The following CHD8 variants were observed in gnomAD, a reference collection of about 807,000 sequenced individuals.
CHD8 encodes ATP-dependent chromatin remodeler CHD8.
In CHD8, 31 loss-of-function variants were observed where a neutral mutation model predicts 279.2. That is an observed-to-expected ratio of 0.11 (90% CI 0.08 to 0.15). The LOEUF (loss-of-function observed/expected upper bound fraction) is 0.15. CHD8 is among the 10% of genes least tolerant of loss of function. The probability of loss-of-function intolerance (pLI) is 1.00; values close to 1 mark genes in which losing one functional copy is unlikely to be tolerated. For synonymous variants in CHD8, 1,081 were observed against 1,139.6 expected, an observed-to-expected ratio of 0.95 and a Z score of 1.04; for missense variants, 2,146 against 3,230.5, an observed-to-expected ratio of 0.66 and a Z score of 8.14.
rs745375504 is a variant in CHD8, at chr14:21,392,805, C to G, written c.6473G>C (p.Arg2158Pro). 2 of 1,613,284 alleles carry G rather than the reference C, an allele frequency of 1.2e-6. No individual in the cohort carries two copies. Among genetic ancestry groups the G allele is most frequent in the Non-Finnish European group, 1.7e-6 (2 of 1,179,426 alleles). ...RQRASEWPKD[R>P]VLINRIDLVC... ...GAGGTCAATACGGTTTATCAGGACA[C>G]GATCCTGAATGGGGAAAGAAAGAAA... Residue 2158 changes from arginine (R) to proline (P), a missense_variant, in exon 34 of 38, where the codon CGT becomes CCT. Around this residue, in one of 26 missense-constraint regions of CHD8, gnomAD observed 513 missense variants for 637.6 expected, o/e 0.80. Transcript: ENST00000646647.
rs1887175068 is a variant in CHD8 at position 21,385,305 on chromosome 14, G to A, written c.*308C>T. 2.8e-6 allele frequency: 1 copy of A among 358,718 alleles called. No individual in the cohort carries two copies. The highest frequency in any genetic ancestry group is 2.1e-5 in the African/African-American group (1 of 48,268). The allele number at this position is 358,718 out of a possible 1,614,324, so 22.2% of individuals were successfully genotyped here. A position where few individuals can be genotyped will look rare whatever the true frequency, so the allele number is the denominator to read the frequency against. Reference sequence around the variant, plus strand: ...AGGAACAGGCTCTGCCAGAGGCTAGGGCCAGCGCTACATAGTCTGTGGTTA... The same window carrying A: ...AGGAACAGGCTCTGCCAGAGGCTAGAGCCAGCGCTACATAGTCTGTGGTTA... On this transcript the variant is annotated 3_prime_UTR_variant, in exon 38 of 38. Transcript: ENST00000646647.
At chr14:21,436,834 G>A in intron 1 of CHD8, 1 of 534,742 alleles carries the variant, frequency 1.9e-6, no homozygotes, top group South Asian at 1.5e-5. Flanking sequence ...GCGAGGTGAG[G>A]AAGTGAGGGG....
chr14:21,399,474 T>G, intron 26 of CHD8, 128 bp downstream of exon 26: 1 of 687,622 alleles, frequency 1.5e-6, no homozygotes, highest in East Asian at 2.7e-5. Context: ...TAAGAACTAC[T>G]TTCCTACTCA....
intron 5 of CHD8, among the ~76,000 whole-genome samples, chr14:21,420,711 G>A (rs1888992691): frequency 6.6e-6 from 1 of 152,050 alleles, no homozygotes; most frequent in Non-Finnish European, 1.5e-5. Context: ...ATTTCTAGAA[G>A]GGTATACAAG....
chr14:21,442,733 AGAGACGGGAG>A (rs1890010960), intron 1 of CHD8, among the ~76,000 whole-genome samples: 1 of 33,874 alleles, frequency 3.0e-5, no homozygotes, highest in Non-Finnish European at 5.0e-5. Flanking sequence ...GGAGAGGGGA[AGAGACGGGAG>A]GAGAGGGGAG....
At chr14:21,391,088 C>A in intron 36 of CHD8, 25 bp from the exon 37 acceptor site, 1 of 1,385,466 alleles carries the variant, frequency 7.2e-7, no homozygotes, top group Non-Finnish European at 1.0e-6. Flanking sequence ...ATCAGTTATC[C>A]TAGAGGAATA....
chr14:21,397,338 C>A, intron 27 of CHD8: 1 of 518,870 alleles, frequency 1.9e-6, no homozygotes, highest in South Asian at 1.4e-5. Flanking sequence ...TCACTGGCAC[C>A]CAAACCAGGG....
rs748109741 is a variant in CHD8, at chr14:21,409,849, A to G, written c.2364+2T>C. 1.4e-5 allele frequency: 22 copies of G among 1,613,030 alleles called. No homozygotes were observed. Among genetic ancestry groups the G allele is most frequent in the Middle Eastern group, 1.6e-4 (1 of 6,080 alleles). ...TTTATACTTTAATGCAAATGTACTT[A>G]CCACCCTTTTGAGTTCTGGGTGCCT... On this transcript the variant is annotated splice_donor_variant, in intron 11 of 37. Transcript: ENST00000646647. LOFTEE classifies it high-confidence loss of function.
chr14:21,420,801 T>C (rs1889001162), intron 5 of CHD8, among the ~76,000 whole-genome samples: 1 of 152,120 alleles, frequency 6.6e-6, no homozygotes, highest in South Asian at 2.1e-4. Context: ...TCGCTCTTGT[T>C]GCCCAGGCTG....
At chr14:21,399,739 A>T in intron 25 of CHD8, 34 bp from the exon 26 acceptor site, 2 of 1,401,982 alleles carry the variant, frequency 1.4e-6, no homozygotes, top group Non-Finnish European at 2.0e-6. Flanking sequence ...CAGCACAGAA[A>T]TGCAGGAAAT....
At chr14:21,432,015 CAT>C (rs923704367) in intron 1 of CHD8, among the ~76,000 whole-genome samples, 157 bp from the exon 2 acceptor site, 7 of 152,166 alleles carry the variant, frequency 4.6e-5, no homozygotes, top group African/African-American at 1.7e-4. Flanking sequence ...GAAAGACACT[CAT>C]ATTTCTGCTT....
intron 8 of CHD8, 35 bp from the exon 9 acceptor site, chr14:21,414,453 G>A (rs1382167731): frequency 1.8e-6 from 2 of 1,123,458 alleles, no homozygotes; most frequent in East Asian, 5.1e-5. Context: ...CATGGTGCAA[G>A]TAAAAGAAGG....
chr14:21,423,987 C>T (rs1048307923), intron 5 of CHD8, among the ~76,000 whole-genome samples: 2 of 152,148 alleles, frequency 1.3e-5, no homozygotes, highest in Non-Finnish European at 2.9e-5. Context: ...AACCACTATG[C>T]TGTTCATGGA....
chr14:21,413,411 T>TC (rs1398197607), intron 9 of CHD8, among the ~76,000 whole-genome samples: 10 of 151,760 alleles, frequency 6.6e-5, no homozygotes, highest in African/African-American at 2.4e-4. Flanking sequence ...TTTTTTTTTT[T>TC]TGAGGTAGAG....
intron 28 of CHD8, 163 bp from the exon 29 acceptor site, chr14:21,395,515 A>AC: frequency 1.6e-6 from 1 of 610,356 alleles, no homozygotes. Context: ...CAATCAACTA[A>AC]AAGAACAAGA....
rs139250550 is a variant in CHD8 at position 21,445,296 on chromosome 14, G to A, written c.-216+10736C>T. ...TCATTTCAACAAAAAGTTGGGCCAG[G>A]CGCCGTGGCTCACACCTGTAATCCC... is the stretch of plus-strand genomic sequence containing the variant. On this transcript the variant is annotated intron_variant, in intron 1 of 37. Transcript: ENST00000646647. Among the ~76,000 whole-genome samples, 378 of 152,284 alleles carry A rather than the reference G, an allele frequency of 2.5e-3. 3 individuals are homozygous for A. Among genetic ancestry groups the A allele is most frequent in the Non-Finnish European group, 4.1e-3 (276 of 68,034 alleles).
At chr14:21,441,850 C>T (rs1268486251) in intron 1 of CHD8, among the ~76,000 whole-genome samples, 1 of 151,986 alleles carries the variant, frequency 6.6e-6, no homozygotes, top group African/African-American at 2.4e-5. Context: ...GATTGCGCCA[C>T]TGCACTCCAG....
intron 5 of CHD8, among the ~76,000 whole-genome samples, chr14:21,422,679 G>C (rs1418705820): frequency 6.6e-6 from 1 of 152,176 alleles, no homozygotes; most frequent in Non-Finnish European, 1.5e-5. Context: ...TGTAATCCCA[G>C]AACTTTGGGA....
At chr14:21,404,161 A>C (rs1189695282) in intron 16 of CHD8, among the ~76,000 whole-genome samples, 3 of 150,538 alleles carry the variant, frequency 2.0e-5, no homozygotes, top group Admixed American at 2.0e-4. Flanking sequence ...ACTTTGGGAG[A>C]CCGAAGCGGG....
Sources: allele counts gnomAD v4.1 joint callset (sites outside exome capture counted in the v4.1 genomes callset), GRCh38; gene constraint gnomAD v4.1.1; regional missense constraint gnomAD v4.1.1; transcripts MANE v1.5; gene names NCBI Gene and HGNC (gene_info 2026-07-23, HGNC 2026-07-21).